The following LSM5 variants were observed in gnomAD, a reference collection of about 807,000 sequenced individuals.
LSM5 encodes the protein U6 snRNA-associated Sm-like protein LSm5.
Under a neutral mutation model 13.8 loss-of-function variants are expected in LSM5, and 8 were observed. That is an observed-to-expected ratio of 0.58 (90% confidence interval 0.34 to 1.04). The LOEUF (loss-of-function observed/expected upper bound fraction) is 1.04. Ranked by LOEUF, LSM5 falls within the 50% of genes least tolerant of loss-of-function variation. The probability of loss-of-function intolerance (pLI) is 0.03; values close to 1 mark genes in which losing one functional copy is unlikely to be tolerated. For synonymous variants in LSM5, 35 were observed against 37.0 expected (o/e 0.95, Z 0.20); for missense variants, 80 against 108.1 (o/e 0.74, Z 1.15).
At position 32,487,171 on chromosome 7, in the gene LSM5, G is replaced by A. The variant is rs1340009048; in HGVS notation, c.*90C>T. ...CTTTAACGGGAAACTTAGCTTTATG[G>A]GATTTAAACATTAGAAAGTGGGAAA... On this transcript the variant is annotated 3_prime_UTR_variant, in exon 5 of 5. Coordinates refer to ENST00000450169, the MANE Select transcript of LSM5 (RefSeq NM_012322.3). The A allele has an allele frequency of 8.8e-6, 10 of 1,132,012 alleles. No individual in the cohort carries two copies. The highest frequency in any genetic ancestry group is 1.6e-5 in the African/African-American group (1 of 64,286). The allele number at this position is 1,132,012 out of a possible 1,614,324, so 70.1% of individuals were successfully genotyped here. A position where few individuals can be genotyped will look rare whatever the true frequency, so the allele number is the denominator to read the frequency against.
In LSM5 at chr7:32,485,357, T is replaced by A. The variant is rs1465959131; in HGVS notation, c.*1904A>T. 1 of 152,094 alleles carries A rather than the reference T, an allele frequency of 6.6e-6. No individual in the cohort carries two copies. Among genetic ancestry groups the A allele is most frequent in the Non-Finnish European group, 1.5e-5 (1 of 68,004 alleles). 9.4% of individuals were successfully genotyped at this position (152,094 alleles called of 1,614,324 possible). On this transcript the variant is annotated 3_prime_UTR_variant, in exon 5 of 5. Coordinates refer to ENST00000450169, the MANE Select transcript of LSM5 (RefSeq NM_012322.3). ...ATAAAGTGCCCAAAGAAAAGTATAA[T>A]CAAAGCAAAGGTTTTCCAATCCACG...
intron 1 of LSM5, chr7:32,490,119 C>CA (rs1786542937): frequency 1.3e-6 from 2 of 1,532,314 alleles, no homozygotes; most frequent in Admixed American, 2.0e-5. Flanking sequence ...TTTGAGAAGT[C>CA]AAAGTCCTTG....
At chr7:32,495,217 T>G (rs10245103), upstream of LSM5, 31,068 of 153,858 alleles carry the variant, frequency 0.2, 3,594 homozygotes, top group African/African-American at 0.33. Context: ...AAAGCAGGTG[T>G]GCCACGCCGC....
intron 4 of LSM5, 36 bp downstream of exon 4, chr7:32,487,649 C>T (rs149476175): frequency 1.8e-6 from 2 of 1,131,760 alleles, no homozygotes; most frequent in East Asian, 2.3e-5. Flanking sequence ...CAAAAATGGG[C>T]TCCCATCAAA....
At chr7:32,493,857 C>CTTTTT (rs3079776), upstream of LSM5, among the ~76,000 whole-genome samples, 2 of 141,764 alleles carry the variant, frequency 1.4e-5, no homozygotes, top group African/African-American at 5.2e-5. Context: ...TTATATATAT[C>CTTTTT]TTTTTTTTTT....
intron 3 of LSM5, chr7:32,488,370 G>T: frequency 2.5e-6 from 1 of 403,862 alleles, no homozygotes; most frequent in South Asian, 3.7e-5. Context: ...TATTTGACCT[G>T]AACCCTAAAA....
chr7:32,488,874 A>G (rs1227296831), intron 2 of LSM5, among the ~76,000 whole-genome samples: 2 of 152,146 alleles, frequency 1.3e-5, no homozygotes, highest in African/African-American at 4.8e-5. Flanking sequence ...ACAGGTGTAC[A>G]TCACCATGCC....
In LSM5 at chr7:32,487,127, A is replaced by T. The variant is rs914733091; in HGVS notation, c.*134T>A. The T allele has an allele frequency of 1.4e-6, 1 of 724,720 alleles. No homozygotes were observed. The highest frequency in any genetic ancestry group is 2.6e-5 in the Admixed American group (1 of 39,114). 44.9% of individuals were successfully genotyped at this position (724,720 alleles called of 1,614,324 possible). On this transcript the variant is annotated 3_prime_UTR_variant, in exon 5 of 5. Coordinates refer to ENST00000450169, the MANE Select transcript of LSM5 (RefSeq NM_012322.3). ...ATGATTAACTTACAAAAATGGGTAC[A>T]CATCTTCAAAGCACTTCCCTTTAAC...
chr7:32,486,350 A>T lies in LSM5; in HGVS notation c.*911T>A, dbSNP rs1200953791. 6.6e-6 allele frequency: 1 copy of T among 152,252 alleles called. No individual in the cohort carries two copies. The highest frequency in any genetic ancestry group is 2.4e-5 in the African/African-American group (1 of 41,468). 9.4% of individuals were successfully genotyped at this position (152,252 alleles called of 1,614,324 possible). A position where few individuals can be genotyped will look rare whatever the true frequency, so the allele number is the denominator to read the frequency against. ...GGGTAAAAACAGTATAATCAGGATGAGCAAGTAAAATAAAACGTGTACTGA... is the reference window on the plus strand; with the variant it reads ...GGGTAAAAACAGTATAATCAGGATGTGCAAGTAAAATAAAACGTGTACTGA... On this transcript the variant is annotated 3_prime_UTR_variant, in exon 5 of 5. Transcript: ENST00000450169.
chr7:32,493,927 C>A (rs1786659852), upstream of LSM5, among the ~76,000 whole-genome samples: 1 of 151,676 alleles, frequency 6.6e-6, no homozygotes, highest in Non-Finnish European at 1.5e-5. Flanking sequence ...TCTTGGCTCA[C>A]TGCAACCTCC....
chr7:32,495,258 T>C (rs954622954), upstream of LSM5: 48 of 156,664 alleles, frequency 3.1e-4, no homozygotes, highest in Admixed American at 4.5e-4. Flanking sequence ...CCACAGGCTC[T>C]GCAAGCCCAG....
chr7:32,489,617 G>T, intron 1 of LSM5: 1 of 376,974 alleles, frequency 2.7e-6, no homozygotes. Flanking sequence ...AAATATAAGA[G>T]GAGATAGGTA....
upstream of LSM5, chr7:32,490,587 A>C (rs921408): frequency 0.79 from 460,995 of 583,580 alleles, 183,595 homozygotes; most frequent in East Asian, 0.86. Context: ...GATACCCATA[A>C]TGCCCTTGAA....
At chr7:32,489,712 A>G in intron 1 of LSM5, 2 of 292,662 alleles carry the variant, frequency 6.8e-6, no homozygotes, top group Non-Finnish European at 6.6e-6. Context: ...TAGCTTGAAC[A>G]TCTCTTTAGC....
intron 3 of LSM5, 99 bp downstream of exon 3, chr7:32,488,523 TCCA>T: frequency 2.5e-6 from 2 of 808,916 alleles, no homozygotes; most frequent in Non-Finnish European, 4.3e-6. Flanking sequence ...TTAACGTTAT[TCCA>T]CCAAGAGGTA....
rs80331251 is a variant in LSM5, at chr7:32,487,470, C to T, written c.244-177G>A. 700 of 668,132 alleles carry T rather than the reference C, an allele frequency of 1.0e-3. 2 individuals are homozygous for T. The African/African-American group carries it at 0.012, about 11-fold the overall frequency. The allele number at this position is 668,132 out of a possible 1,614,324, so 41.4% of individuals were successfully genotyped here. On this transcript the variant is annotated intron_variant, in intron 4 of 4. Coordinates refer to ENST00000450169, the MANE Select transcript of LSM5 (RefSeq NM_012322.3). ...CATCAATTAATACTTACTATCTCAA[C>T]AGCGATTAAAAGTTCCAAGCAAACT...
chr7:32,488,017 G>C, intron 3 of LSM5: 1 of 408,738 alleles, frequency 2.4e-6, no homozygotes, highest in South Asian at 2.9e-5. Context: ...GCTTGCCCAG[G>C]AAATCAAATA....
At chr7:32,489,070 A>C (rs1383772003) in intron 2 of LSM5, among the ~76,000 whole-genome samples, 179 bp downstream of exon 2, 1 of 152,240 alleles carries the variant, frequency 6.6e-6, no homozygotes, top group Non-Finnish European at 1.5e-5. Flanking sequence ...CAAATTCAAA[A>C]TGCTTGTTGT....
At chr7:32,489,474 A>T in intron 1 of LSM5, 130 bp from the exon 2 acceptor site, 5 of 634,190 alleles carry the variant, frequency 7.9e-6, no homozygotes, top group Non-Finnish European at 2.8e-6. Context: ...TTTAGGTCTT[A>T]TAATACAAAT....
Sources: gnomAD v4.1 joint callset for allele counts (sites outside exome capture counted in the v4.1 genomes callset) on GRCh38, gnomAD v4.1.1 for gene constraint, MANE v1.5 for transcripts, NCBI Gene and HGNC (gene_info 2026-07-23, HGNC 2026-07-21) for gene names.